The following INTS4 variants were observed in gnomAD, a reference collection of about 807,000 sequenced individuals.
INTS4 encodes integrator complex subunit 4, also known as MSTP093.
A neutral mutation model predicts 119.5 loss-of-function variants in INTS4; 70 were observed. That is an observed-to-expected ratio of 0.59 (90% confidence interval 0.48 to 0.71). INTS4 has a LOEUF of 0.71. INTS4 is among the 30% of genes least tolerant of loss of function. The probability of loss-of-function intolerance (pLI) is 0.00; values close to 1 mark genes in which losing one functional copy is unlikely to be tolerated. For missense variants in INTS4, 867 were observed against 1,173.2 expected, an observed-to-expected ratio of 0.74 and a Z score of 3.81; for synonymous variants, 316 against 419.6, an observed-to-expected ratio of 0.75 and a Z score of 3.02.
chr11:77,933,792 G>A (rs552689817), intron 10 of INTS4, among the ~76,000 whole-genome samples: 16 of 151,536 alleles, frequency 1.1e-4, no homozygotes, highest in African/African-American at 2.7e-4. Flanking sequence ...GTCTCCGCCC[G>A]GCAGCCGCCC....
chr11:77,887,942 A>G (rs1039902352), intron 21 of INTS4, among the ~76,000 whole-genome samples: 3 of 152,144 alleles, frequency 2.0e-5, no homozygotes, highest in Middle Eastern at 3.2e-3. Flanking sequence ...ACAAATGGAA[A>G]AACATTCCAT....
At chr11:77,876,928 G>C (rs1423914883), downstream of INTS4, 3 of 702,616 alleles carry the variant, frequency 4.3e-6, no homozygotes, top group East Asian at 2.7e-5. Flanking sequence ...CAGCAGCCAT[G>C]GTTCTTCATG....
chr11:77,948,907 G>A (rs994043594), intron 8 of INTS4, among the ~76,000 whole-genome samples: 5 of 151,934 alleles, frequency 3.3e-5, no homozygotes, highest in African/African-American at 7.3e-5. Context: ...CAAAACCTAC[G>A]GTATGCAACA....
At chr11:77,898,657 A>G (rs193102096) in intron 18 of INTS4, among the ~76,000 whole-genome samples, 14 of 152,356 alleles carry the variant, frequency 9.2e-5, no homozygotes, top group Admixed American at 2.6e-4. Flanking sequence ...GTATTACTAA[A>G]ACTAATATTA....
At chr11:77,976,925 G>T (rs1855975510) in intron 4 of INTS4, among the ~76,000 whole-genome samples, 1 of 152,052 alleles carries the variant, frequency 6.6e-6, no homozygotes, top group African/African-American at 2.4e-5. Context: ...AGGGCCTGTT[G>T]TGGGGTGGGG....
At chr11:77,919,102 G>A (rs750512604) in intron 14 of INTS4, 124 bp from the exon 15 acceptor site, 2 of 989,730 alleles carry the variant, frequency 2.0e-6, no homozygotes, top group Admixed American at 4.6e-5. Flanking sequence ...AAAAGGCTAG[G>A]ATATTCTATA....
intron 18 of INTS4, among the ~76,000 whole-genome samples, chr11:77,896,234 G>A (rs2136417018): frequency 6.6e-6 from 1 of 151,926 alleles, no homozygotes; most frequent in East Asian, 1.9e-4. Flanking sequence ...GAAAAAAAAG[G>A]AAAAAAATAG....
downstream of INTS4, among the ~76,000 whole-genome samples, chr11:77,874,422 G>A (rs1375312647): frequency 6.6e-6 from 1 of 150,464 alleles, no homozygotes; most frequent in African/African-American, 2.5e-5. Flanking sequence ...TCTGGTGGGT[G>A]TTGAATTCAG....
chr11:77,876,464 C>T (rs1667003302), downstream of INTS4, among the ~76,000 whole-genome samples: 2 of 151,192 alleles, frequency 1.3e-5, no homozygotes. Flanking sequence ...CTAAAATTCT[C>T]ATGTTCCCCA....
At chr11:77,980,642 G>A (rs1458440468) in intron 3 of INTS4, among the ~76,000 whole-genome samples, 1 of 152,162 alleles carries the variant, frequency 6.6e-6, no homozygotes, top group Admixed American at 6.5e-5. Flanking sequence ...ACCTCCCAAA[G>A]TTTTGGTATT....
In INTS4 at chr11:77,933,597, G is replaced by T. The variant is rs113623700; in HGVS notation, c.1166-5050C>A. On this transcript the variant is annotated intron_variant, in intron 10 of 22. Coordinates refer to ENST00000534064, the MANE Select transcript of INTS4 (RefSeq NM_033547.4). ...TACAACCTCCACCTCCCAGCCGCCTGCCCTGGCCTCCCAAAGTGCCGAGAT... is the reference window on the plus strand; with the variant it reads ...TACAACCTCCACCTCCCAGCCGCCTTCCCTGGCCTCCCAAAGTGCCGAGAT... Among the ~76,000 whole-genome samples, 882 of 152,220 alleles carry T rather than the reference G, an allele frequency of 5.8e-3. 9 individuals are homozygous for T. Among genetic ancestry groups the T allele is most frequent in the African/African-American group, 0.02 (835 of 41,526 alleles).
downstream of INTS4, among the ~76,000 whole-genome samples, chr11:77,874,970 C>T (rs970966884): frequency 4.6e-5 from 7 of 150,700 alleles, no homozygotes; most frequent in Non-Finnish European, 8.8e-5. Flanking sequence ...GGAACCAGGG[C>T]GGCAGAGCCT....
intron 8 of INTS4, among the ~76,000 whole-genome samples, chr11:77,947,237 T>C (rs556940999): frequency 6.6e-6 from 1 of 152,240 alleles, no homozygotes; most frequent in South Asian, 2.1e-4. Context: ...AGAAAACCCA[T>C]TTGATGAAAT....
chr11:77,923,294 C>A (rs1300038159), intron 12 of INTS4, among the ~76,000 whole-genome samples: 1 of 118,486 alleles, frequency 8.4e-6, no homozygotes, highest in African/African-American at 3.4e-5. Context: ...TCCACCCTGG[C>A]GATAAAGAGA....
intron 9 of INTS4, among the ~76,000 whole-genome samples, 192 bp from the exon 10 acceptor site, chr11:77,939,017 A>G (rs1953866185): frequency 6.6e-6 from 1 of 152,226 alleles, no homozygotes; most frequent in African/African-American, 2.4e-5. Flanking sequence ...GGTCTATAAT[A>G]GCTGAAAGTA....
chr11:77,906,846 C>T (rs1245200220), intron 16 of INTS4, among the ~76,000 whole-genome samples: 1 of 152,140 alleles, frequency 6.6e-6, no homozygotes, highest in Non-Finnish European at 1.5e-5. Context: ...GATAAAAGTT[C>T]GTCAAGTGAG....
chr11:77,961,161 GA>G (rs761784781), intron 4 of INTS4, 23 bp from the exon 5 acceptor site: 237 of 1,018,744 alleles, frequency 2.3e-4, no homozygotes, highest in Non-Finnish European at 2.7e-4. Context: ...AAAAAAAAAA[GA>G]AAAAAAGAAA....
At chr11:77,979,473 C>T (rs1375106997) in intron 3 of INTS4, among the ~76,000 whole-genome samples, 1 of 150,750 alleles carries the variant, frequency 6.6e-6, no homozygotes, top group Non-Finnish European at 1.5e-5. Context: ...AGACCCAGTC[C>T]TAAAAAAACA....
chr11:77,960,375 C>G lies in INTS4; in HGVS notation c.674G>C (p.Arg225Thr), dbSNP rs1565273985. The G allele has an allele frequency of 6.2e-7, 1 of 1,600,712 alleles. No homozygotes were observed. Among genetic ancestry groups the G allele is most frequent in the Non-Finnish European group, 8.6e-7 (1 of 1,169,332 alleles). The change falls in exon 6 of 23, where the codon AGA becomes ACA. Residue 225 changes from arginine to threonine, a missense_variant. Physicochemically the swap from Arg to Thr is moderately conservative, Grantham distance 71 (BLOSUM62 -1). This residue lies in a region of INTS4 where 208 missense variants were observed against 306.6 expected (regional missense o/e 0.68). Transcript: ENST00000534064. ...AATTGTTTGGTGTAATTTCAGTCCT[C>G]TTTCATGGAGCTGCAACTAGATAAT... ...AIKAMLQLHERGLKLHQTIYN... is the reference protein window; with the variant it reads ...AIKAMLQLHETGLKLHQTIYN...
Sources: allele counts gnomAD v4.1 joint callset (sites outside exome capture counted in the v4.1 genomes callset), GRCh38; gene constraint gnomAD v4.1.1; regional missense constraint gnomAD v4.1.1; transcripts MANE v1.5; gene names NCBI Gene and HGNC (gene_info 2026-07-23, HGNC 2026-07-21).